The following WDFY4 variants were observed in gnomAD, a reference collection of about 807,000 sequenced individuals.
WDFY4 encodes WDFY family member 4.
A neutral mutation model predicts 351.9 loss-of-function variants in WDFY4; 169 were observed. The observed-to-expected ratio is 0.48, with a 90% CI of 0.42 to 0.55. The LOEUF (loss-of-function observed/expected upper bound fraction) is 0.55. Among genes scored for constraint, WDFY4 ranks in the 20% least tolerant of loss-of-function variants. The pLI, the probability that WDFY4 is intolerant of heterozygous loss-of-function variation, is 0.00. For synonymous variants in WDFY4, 1,622 were observed against 1,574.6 expected (o/e 1.03, Z -0.71); for missense variants, 3,803 against 3,935.6 (o/e 0.97, Z 0.90).
chr10:48,687,029 G>A (rs1323421822), intron 1 of WDFY4, among the ~76,000 whole-genome samples: 1 of 152,068 alleles, frequency 6.6e-6, no homozygotes, highest in African/African-American at 2.4e-5. Flanking sequence ...ATCAGCATTT[G>A]ATATTGTCTG....
Position 48,932,778 on chromosome 10 carries a change from G to A in WDFY4, c.7587-9028G>A, listed in dbSNP as rs532584666. Among the ~76,000 whole-genome samples the A allele has an allele frequency of 2.4e-3, 369 of 152,304 alleles. 1 individual carries two copies. The highest frequency in any genetic ancestry group is 4.0e-3 in the Non-Finnish European group (271 of 68,026). On this transcript the variant is annotated intron_variant, in intron 47 of 61. Coordinates refer to ENST00000325239, the MANE Select transcript of WDFY4 (RefSeq NM_001394531.1). ...AAGTCAGAAAGGGCATATCGGTGGG[G>A]ACGTTGCTAACTCAGACTGAGGTGG...
At chr10:48,912,070 C>T (rs1011566392) in intron 47 of WDFY4, among the ~76,000 whole-genome samples, 1 of 152,220 alleles carries the variant, frequency 6.6e-6, no homozygotes, top group African/African-American at 2.4e-5. Flanking sequence ...AAAAGCCTCC[C>T]TCAAGGTATC....
chr10:48,842,004 A>T (rs1293107756), intron 39 of WDFY4, among the ~76,000 whole-genome samples: 2 of 152,118 alleles, frequency 1.3e-5, no homozygotes, highest in African/African-American at 4.8e-5. Flanking sequence ...CCACTTGAGC[A>T]TCAAGCTGAT....
chr10:48,747,776 A>C (rs10857631), intron 12 of WDFY4, among the ~76,000 whole-genome samples: 1 of 152,134 alleles, frequency 6.6e-6, no homozygotes. Context: ...CACAAGAATC[A>C]TAATTATTTC....
intron 12 of WDFY4, among the ~76,000 whole-genome samples, chr10:48,748,865 G>C (rs2065092593): frequency 6.6e-6 from 1 of 152,310 alleles, no homozygotes. Context: ...TGGGCAAGTG[G>C]CTTCCCTCAG....
intron 28 of WDFY4, among the ~76,000 whole-genome samples, chr10:48,810,011 CCA>C (rs1270797374): frequency 6.6e-6 from 1 of 152,162 alleles, no homozygotes; most frequent in East Asian, 1.9e-4. Context: ...TCTGTATTCT[CCA>C]GACTCATCAT....
intron 24 of WDFY4, 70 bp from the exon 25 acceptor site, chr10:48,803,216 T>C: frequency 6.7e-7 from 1 of 1,482,008 alleles, no homozygotes; most frequent in Non-Finnish European, 9.2e-7. Context: ...GCACTGACCT[T>C]CTCATGCTTC....
chr10:48,811,521 C>T lies in WDFY4; in HGVS notation c.5045-18C>T. The stretch of plus-strand genomic sequence containing the variant: ...CTGTTCTCAGCTGACTTTTGTGCCC[C>T]CTTTGCCTGATCAATAGACAACCTG... On this transcript the variant is annotated intron_variant, in intron 29 of 61. Transcript: ENST00000325239. 6.4e-7 allele frequency: 1 copy of T among 1,551,726 alleles called. No homozygotes were observed. Among genetic ancestry groups the T allele is most frequent in the Non-Finnish European group, 8.7e-7 (1 of 1,146,862 alleles).
intron 1 of WDFY4, among the ~76,000 whole-genome samples, chr10:48,707,066 A>T (rs982308402): frequency 6.6e-6 from 1 of 152,248 alleles, no homozygotes; most frequent in South Asian, 2.1e-4. Context: ...GTATACTCTC[A>T]TGAAGCAGCA....
intron 27 of WDFY4, 62 bp from the exon 28 acceptor site, chr10:48,807,797 C>A (rs77052935): frequency 6.6e-7 from 1 of 1,512,368 alleles, no homozygotes; most frequent in African/African-American, 1.4e-5. Flanking sequence ...TGATTGCTTA[C>A]TGCAGCAAAT....
chr10:48,837,127 C>T (rs2068428201), intron 39 of WDFY4, among the ~76,000 whole-genome samples: 1 of 151,860 alleles, frequency 6.6e-6, no homozygotes, highest in Non-Finnish European at 1.5e-5. Context: ...CAATGTGTGT[C>T]ATCATCTGTT....
intron 9 of WDFY4, among the ~76,000 whole-genome samples, chr10:48,732,734 C>T (rs11101444): frequency 1.3e-5 from 2 of 152,228 alleles, no homozygotes; most frequent in Non-Finnish European, 2.9e-5. Context: ...ACTGCTGTGC[C>T]TGGTACATAA....
intron 11 of WDFY4, 61 bp from the exon 12 acceptor site, chr10:48,742,907 G>A (rs1339888577): frequency 4.8e-6 from 7 of 1,443,872 alleles, no homozygotes; most frequent in Non-Finnish European, 6.5e-6. Context: ...AGGAATGTGT[G>A]TGGGCTCAGG....
intron 7 of WDFY4, 78 bp from the exon 8 acceptor site, chr10:48,729,354 T>C (rs1035022357): frequency 5.3e-6 from 8 of 1,514,928 alleles, no homozygotes; most frequent in Non-Finnish European, 3.5e-6. Flanking sequence ...ATTGGCTCTG[T>C]CTCCTTGAGA....
intron 57 of WDFY4, 25 bp downstream of exon 57, chr10:48,970,314 G>A (rs570736206): frequency 1.9e-5 from 29 of 1,545,892 alleles, no homozygotes; most frequent in Middle Eastern, 3.3e-4. Flanking sequence ...GTGCAGGTGC[G>A]GTCCTCAGGT....
chr10:48,798,950 A>C (rs752031640), intron 24 of WDFY4, among the ~76,000 whole-genome samples: 3 of 152,230 alleles, frequency 2.0e-5, no homozygotes, highest in Non-Finnish European at 4.4e-5. Context: ...CTCCCTGTGC[A>C]CAAGGGGAAA....
At position 48,810,589 on chromosome 10, in the gene WDFY4, G is replaced by A. The variant is rs571134398; in HGVS notation, c.4898G>A (p.Gly1633Asp). The A allele has an allele frequency of 4.5e-6, 7 of 1,551,668 alleles. No homozygotes were observed. The South Asian group carries it at 7.1e-5, about 16-fold the overall frequency. ...GACTGGTTCCTGCTGCTCCTGCAGG[G>A]CCACCTGCATGCCAGCACCACTGTG... The part of the protein sequence containing the change: ...GPDWFLLLLQ[G>D]HLHASTTVLA... Residue 1633 changes from glycine (G) to aspartate (D), a missense_variant, in exon 29 of 62, where the codon GGC (glycine) becomes GAC (aspartate). By Grantham distance (94) the Gly-to-Asp change is moderately conservative (BLOSUM62 -1). Around this residue, in one of 3 missense-constraint regions of WDFY4, gnomAD observed 3,054 missense variants for 3,148.6 expected, o/e 0.97. Coordinates refer to ENST00000325239, the MANE Select transcript of WDFY4 (RefSeq NM_001394531.1).
intron 40 of WDFY4, among the ~76,000 whole-genome samples, chr10:48,871,080 C>T (rs111292373): frequency 6.6e-6 from 1 of 151,968 alleles, no homozygotes; most frequent in African/African-American, 2.4e-5. Flanking sequence ...ACTACAGGCA[C>T]CTGCCACCAC....
intron 1 of WDFY4, among the ~76,000 whole-genome samples, chr10:48,709,018 C>T (rs868127183): frequency 6.6e-6 from 1 of 151,582 alleles, no homozygotes; most frequent in African/African-American, 2.4e-5. Context: ...CCCCCCCCCC[C>T]CAAACAGGCT....
Sources: gnomAD v4.1 joint callset for allele counts (sites outside exome capture counted in the v4.1 genomes callset) on GRCh38, gnomAD v4.1.1 for gene constraint, gnomAD v4.1.1 regional missense constraint, MANE v1.5 for transcripts, NCBI Gene and HGNC (gene_info 2026-07-23, HGNC 2026-07-21) for gene names.